Variants in PLEKHO1 observed in about 807,000 individuals in gnomAD.
The protein encoded by PLEKHO1 is pleckstrin homology domain-containing family O member 1.
Under a neutral mutation model 41.4 loss-of-function variants are expected in PLEKHO1, and 22 were observed. The ratio of observed to expected loss-of-function variants is 0.53; its 90% CI spans 0.38 to 0.76. The LOEUF is 0.76. PLEKHO1 is among the 30% of genes least tolerant of loss of function. PLEKHO1 has a pLI of 0.00. For missense variants in PLEKHO1, 488 were observed against 518.3 expected (o/e 0.94, Z 0.57); for synonymous variants, 225 against 210.8 (o/e 1.07, Z -0.58).
chr1:150,158,469 G>C (rs1660268502), intron 5 of PLEKHO1, among the ~76,000 whole-genome samples: 1 of 152,034 alleles, frequency 6.6e-6, no homozygotes, highest in African/African-American at 2.4e-5. Flanking sequence ...TGTATCACTT[G>C]AGGTCAGGAG....
intron 4 of PLEKHO1, 106 bp downstream of exon 4, chr1:150,157,121 AC>A: frequency 1.3e-6 from 1 of 768,236 alleles, no homozygotes; most frequent in Non-Finnish European, 2.3e-6. Context: ...TCGCTCCTCC[AC>A]CAGCTCTACT....
At chr1:150,152,468 G>A (rs1659977645) in intron 2 of PLEKHO1, among the ~76,000 whole-genome samples, 2 of 151,890 alleles carry the variant, frequency 1.3e-5, no homozygotes, top group Admixed American at 6.6e-5. Flanking sequence ...TGTCTGGCTA[G>A]TTTTTGTATT....
At chr1:150,157,155 C>G in intron 4 of PLEKHO1, 140 bp downstream of exon 4, 2 of 702,516 alleles carry the variant, frequency 2.8e-6, no homozygotes, top group Non-Finnish European at 5.1e-6. Flanking sequence ...TTTTAAAAGC[C>G]CTGATCTCTT....
At position 150,159,260 on chromosome 1, in the gene PLEKHO1, C is replaced by T. The variant is rs1553821472; in HGVS notation, c.967C>T (p.Leu323=). ...GAAACTGGAGGAGACTCAGGAGCTT[C>T]TGGCAGAGGTTCAGGGACTGGGAGA... is the stretch of plus-strand genomic sequence containing the variant. ...ARKLEETQEL[L]AEVQGLGDGK... is the part of the protein sequence containing the mutation. Residue 323 remains leucine (L), a synonymous_variant, in exon 6 of 6, where the codon CTG becomes TTG. Coordinates refer to ENST00000369124, the MANE Select transcript of PLEKHO1 (RefSeq NM_016274.6). 1 of 1,614,150 alleles carries T rather than the reference C, an allele frequency of 6.2e-7. No individual in the cohort carries two copies. Among genetic ancestry groups the T allele is most frequent in the Admixed American group, 1.7e-5 (1 of 60,028 alleles).
chr1:150,156,780 C>T (rs1403829545), intron 3 of PLEKHO1, 131 bp from the exon 4 acceptor site: 3 of 661,824 alleles, frequency 4.5e-6, no homozygotes, highest in Non-Finnish European at 8.3e-6. Context: ...ATGGATGACT[C>T]TGGAAGCAGA....
chr1:150,150,347 C>T (rs1659843430), intron 1 of PLEKHO1, 60 bp downstream of exon 1: 8 of 850,904 alleles, frequency 9.4e-6, no homozygotes, highest in Non-Finnish European at 1.1e-5. Context: ...GACCCCCGCT[C>T]CGTCGGCGCC....
At position 150,150,227 on chromosome 1, in the gene PLEKHO1, G is replaced by T; in HGVS notation, c.-31G>T. 9.6e-7 allele frequency: 1 copy of T among 1,042,396 alleles called. No homozygotes were observed. Among genetic ancestry groups the T allele is most frequent in the South Asian group, 3.6e-5 (1 of 28,048 alleles). 64.6% of individuals were successfully genotyped at this position (1,042,396 alleles called of 1,614,324 possible). On this transcript the variant is annotated 5_prime_UTR_variant, in exon 1 of 6. Transcript: ENST00000369124. ...GGCCCCGACGCGGGGCCGCCCCTCG[G>T]CTCGCCGCCCCGCGCCCGCGCCCGC... is the stretch of plus-strand genomic sequence containing the variant.
In PLEKHO1 at chr1:150,150,959, C is replaced by G. The variant is rs782712497; in HGVS notation, c.78C>G (p.Gly26=). The change falls in exon 2 of 6, where the codon GGC becomes GGG. Residue 26 remains glycine (G), a synonymous_variant. Transcript: ENST00000369124. The stretch of plus-strand genomic sequence containing the variant: ...AGCCTGCACCGCCCGAGAAGGTCGG[C>G]TGGGTCCGGAAATTCTGCGGGAAAG... ...NQQPAPPEKV[G]WVRKFCGKGI... is the part of the protein sequence containing the mutation. The G allele has an allele frequency of 6.2e-7, 1 of 1,614,068 alleles. No individual in the cohort carries two copies.
rs782070423 is a variant in PLEKHO1 at position 150,150,941 on chromosome 1, A to C, written c.60A>C (p.Ala20=). 8.7e-6 allele frequency: 14 copies of C among 1,613,922 alleles called. No individual in the cohort carries two copies. In the Admixed American group the frequency reaches 2.3e-4, roughly 27 times the overall value. The change falls in exon 2 of 6, where the codon GCA becomes GCC. Residue 20 remains alanine (A), a synonymous_variant. Transcript: ENST00000369124. The stretch of plus-strand genomic sequence containing the variant: ...CTCAGGATGGAAACCAGCAGCCTGC[A>C]CCGCCCGAGAAGGTCGGCTGGGTCC... ...RGPQDGNQQP[A]PPEKVGWVRK...
intron 1 of PLEKHO1, among the ~76,000 whole-genome samples, 155 bp downstream of exon 1, chr1:150,150,442 CG>C (rs1395998786): frequency 6.7e-6 from 1 of 150,316 alleles, no homozygotes; most frequent in Non-Finnish European, 1.5e-5. Context: ...CAGGCGCCCG[CG>C]GGGGCTTTTG....
chr1:150,154,086 T>A (rs950028164), intron 2 of PLEKHO1: 2 of 152,384 alleles, frequency 1.3e-5, no homozygotes, highest in East Asian at 3.9e-4. Flanking sequence ...TCAGTCTGTA[T>A]GCAAGGTAGA....
chr1:150,152,614 A>AT (rs1659986608), intron 2 of PLEKHO1: 1 of 132,442 alleles, frequency 7.6e-6, no homozygotes, highest in African/African-American at 2.8e-5. Flanking sequence ...AGGAGGATTT[A>AT]TTTTTAAGAG....
intron 2 of PLEKHO1, among the ~76,000 whole-genome samples, chr1:150,151,263 C>T (rs1231529702): frequency 2.0e-5 from 3 of 152,206 alleles, no homozygotes; most frequent in Non-Finnish European, 4.4e-5. Context: ...TGGCCGCTTA[C>T]TCAGTGTTTT....
chr1:150,150,419 G>A, intron 1 of PLEKHO1, 132 bp downstream of exon 1: 1 of 288,652 alleles, frequency 3.5e-6, no homozygotes, highest in Non-Finnish European at 5.2e-6. Flanking sequence ...GGTCCCCTCG[G>A]CCTCGGCCCC....
In PLEKHO1 at chr1:150,159,329, T is replaced by C; in HGVS notation, c.1036T>C (p.Ser346Pro). The stretch of plus-strand genomic sequence containing the variant: ...GGACCCCCCTCGGTCTCCGCCGGAT[T>C]CTGAGTCAGAGCAGCTGCTGCTGGA... The part of the protein sequence containing the change: ...AKDPPRSPPD[S>P]ESEQLLLETE... The change falls in exon 6 of 6, where the codon TCT becomes CCT. Residue 346 changes from serine to proline, a missense_variant. Transcript: ENST00000369124. 1 of 1,614,030 alleles carries C rather than the reference T, an allele frequency of 6.2e-7. No individual in the cohort carries two copies. Among genetic ancestry groups the C allele is most frequent in the Non-Finnish European group, 8.5e-7 (1 of 1,180,002 alleles).
chr1:150,150,417 C>T lies in PLEKHO1; in HGVS notation c.30+130C>T, dbSNP rs1659849412. 3 of 292,222 alleles carry T rather than the reference C, an allele frequency of 1.0e-5. 1 individual carries two copies. Among genetic ancestry groups the T allele is most frequent in the Non-Finnish European group, 1.5e-5 (3 of 197,152 alleles). The allele number at this position is 292,222 out of a possible 1,614,324, so 18.1% of individuals were successfully genotyped here. A position where few individuals can be genotyped will look rare whatever the true frequency, so the allele number is the denominator to read the frequency against. On this transcript the variant is annotated intron_variant, in intron 1 of 5. Transcript: ENST00000369124. The stretch of plus-strand genomic sequence containing the variant: ...CCCCGCCCCGGCGGCCCGGTCCCCT[C>T]GGCCTCGGCCCCGCCAGGCGCCCGC...
chr1:150,150,863 G>T, intron 1 of PLEKHO1, 49 bp from the exon 2 acceptor site: 1 of 1,575,288 alleles, frequency 6.3e-7, no homozygotes, highest in Non-Finnish European at 8.7e-7. Flanking sequence ...GAGAGGAAGC[G>T]CCGGCTGGAA....
intron 2 of PLEKHO1, among the ~76,000 whole-genome samples, chr1:150,151,787 A>G (rs1659945279): frequency 6.6e-6 from 1 of 152,242 alleles, no homozygotes. Context: ...CACAGTCTAC[A>G]CTGTGTCAAG....
rs781850409 is a variant in PLEKHO1, at chr1:150,159,469, C to G, written c.1176C>G (p.Asp392Glu). Residue 392 changes from aspartate (D) to glutamate (E), a missense_variant, in exon 6 of 6, where the codon GAC (aspartate) becomes GAG (glutamate). Asp to Glu is a conservative substitution (Grantham distance 45, BLOSUM62 2). Around this residue, in one of 3 missense-constraint regions of PLEKHO1, gnomAD observed 337 missense variants for 324.6 expected, o/e 1.04. Coordinates refer to ENST00000369124, the MANE Select transcript of PLEKHO1 (RefSeq NM_016274.6). ...GACAGATGGACCTGCAGACCCCGGA[C>G]TCCCACCTCAGACAGACCACCCCGC... is the stretch of plus-strand genomic sequence containing the variant. ...LYRQMDLQTP[D>E]SHLRQTTPHS... 9.9e-6 allele frequency: 16 copies of G among 1,613,888 alleles called. No homozygotes were observed. The Admixed American group carries it at 2.0e-4, about 20-fold the overall frequency.
Sources: allele counts gnomAD v4.1 joint callset (sites outside exome capture counted in the v4.1 genomes callset), GRCh38; gene constraint gnomAD v4.1.1; regional missense constraint gnomAD v4.1.1; transcripts MANE v1.5; gene names NCBI Gene and HGNC (gene_info 2026-07-23, HGNC 2026-07-21).